Variants in SOS2 observed in about 807,000 individuals in gnomAD.
SOS2 encodes SOS Ras/Rho guanine nucleotide exchange factor 2.
Under a neutral mutation model 148.2 loss-of-function variants are expected in SOS2, and 65 were observed. That is an observed-to-expected ratio of 0.44 (90% CI 0.36 to 0.54). SOS2 has a LOEUF of 0.54. SOS2 is among the 20% of genes least tolerant of loss of function. The pLI, the probability that SOS2 is intolerant of heterozygous loss-of-function variation, is 0.00. For missense variants in SOS2, 1,341 were observed against 1,590.2 expected (o/e 0.84, Z 2.67); for synonymous variants, 539 against 537.1 (o/e 1.00, Z -0.05).
chr14:50,170,303 A>C, intron 8 of SOS2, among the ~76,000 whole-genome samples: 1 of 152,242 alleles, frequency 6.6e-6, no homozygotes, highest in Middle Eastern at 3.4e-3. Context: ...TTATCTTAAC[A>C]TATAATTCAA....
At chr14:50,154,118 G>GA in intron 12 of SOS2, among the ~76,000 whole-genome samples, 1 of 152,206 alleles carries the variant, frequency 6.6e-6, no homozygotes, top group South Asian at 2.1e-4. Flanking sequence ...AGGAAGAAGG[G>GA]AAAAGGAAAG....
intron 21 of SOS2, among the ~76,000 whole-genome samples, chr14:50,128,690 C>G (rs1883765248): frequency 1.3e-5 from 2 of 152,186 alleles, no homozygotes; most frequent in African/African-American, 2.4e-5. Context: ...AGTGGGGAGA[C>G]TTGAGGTAGA....
chr14:50,180,536 A>T (rs998692391), intron 7 of SOS2, 36 bp downstream of exon 7: 12 of 781,076 alleles, frequency 1.5e-5, no homozygotes, highest in Admixed American at 9.9e-5. Flanking sequence ...GCTTTATTAA[A>T]AAAAAAAAAA....
chr14:50,225,682 G>T (rs774201049), intron 1 of SOS2, among the ~76,000 whole-genome samples: 1 of 152,144 alleles, frequency 6.6e-6, no homozygotes, highest in Non-Finnish European at 1.5e-5. Context: ...TACATTCAGC[G>T]GCTTTAGGAA....
At chr14:50,175,963 T>C (rs981941892) in intron 7 of SOS2, among the ~76,000 whole-genome samples, 2 of 152,256 alleles carry the variant, frequency 1.3e-5, no homozygotes, top group Non-Finnish European at 2.9e-5. Context: ...TAAAGATTAA[T>C]TCATTTTCAC....
At chr14:50,215,998 T>C (rs1887030861) in intron 1 of SOS2, among the ~76,000 whole-genome samples, 1 of 152,254 alleles carries the variant, frequency 6.6e-6, no homozygotes, top group Non-Finnish European at 1.5e-5. Context: ...TTTTGCCAAA[T>C]TCTTCATTGT....
chr14:50,179,914 A>T (rs1885676545), intron 7 of SOS2, among the ~76,000 whole-genome samples: 1 of 152,112 alleles, frequency 6.6e-6, no homozygotes, highest in Non-Finnish European at 1.5e-5. Context: ...GGTTGAGGTT[A>T]TCTCAACTTT....
intron 1 of SOS2, among the ~76,000 whole-genome samples, chr14:50,206,112 T>C (rs1886651945): frequency 6.6e-6 from 1 of 152,178 alleles, no homozygotes; most frequent in Admixed American, 6.5e-5. Context: ...TCCTATTTTA[T>C]GTTTGTTTTA....
At chr14:50,230,697 AAGAATATT>A (rs1358347367) in intron 1 of SOS2, 1 of 155,380 alleles carries the variant, frequency 6.4e-6, no homozygotes, top group African/African-American at 2.4e-5. Flanking sequence ...TAAAATGAAT[AAGAATATT>A]ATGACTCACT....
chr14:50,224,253 T>C (rs1478759277), intron 1 of SOS2, among the ~76,000 whole-genome samples: 2 of 146,236 alleles, frequency 1.4e-5, no homozygotes, highest in Non-Finnish European at 3.0e-5. Flanking sequence ...ATCGCACCAC[T>C]GCACTCCAGC....
chr14:50,224,974 A>T (rs1437131568), intron 1 of SOS2, among the ~76,000 whole-genome samples: 3 of 151,996 alleles, frequency 2.0e-5, no homozygotes, highest in Non-Finnish European at 4.4e-5. Context: ...AGAAAACTTT[A>T]CTTAGAAGAG....
rs539016493 is a variant in SOS2, at chr14:50,119,411, C to T, written c.3490-558G>A. Among the ~76,000 whole-genome samples, 5 of 152,340 alleles carry T rather than the reference C, an allele frequency of 3.3e-5. No individual in the cohort carries two copies. The East Asian group carries it at 9.6e-4, about 29-fold the overall frequency. On this transcript the variant is annotated intron_variant, in intron 22 of 22. Coordinates refer to ENST00000216373, the MANE Select transcript of SOS2 (RefSeq NM_006939.4). Reference sequence around the variant, plus strand: ...CCAAGCCTTTCAGGTAATTCTGATGCACCCTTAAAATTTTGAGAAGCATTA... The same window carrying T: ...CCAAGCCTTTCAGGTAATTCTGATGTACCCTTAAAATTTTGAGAAGCATTA...
chr14:50,178,685 TATATATATATATATATATATATATATAC>T (rs1566839616), intron 7 of SOS2, among the ~76,000 whole-genome samples: 2 of 15,872 alleles, frequency 1.3e-4, no homozygotes, highest in African/African-American at 4.1e-4. Context: ...TATATATATA[TATATATATATATATATATATATATATAC>T]ACACATATAC....
Position 50,118,165 on chromosome 14 carries a change from A to G in SOS2, c.*179T>C. 6 of 604,288 alleles carry G rather than the reference A, an allele frequency of 9.9e-6. No homozygotes were observed. In the South Asian group the frequency reaches 1.1e-4, roughly 11 times the overall value. 37.4% of individuals were successfully genotyped at this position (604,288 alleles called of 1,614,324 possible). On this transcript the variant is annotated 3_prime_UTR_variant, in exon 23 of 23. Transcript: ENST00000216373. ...GCAATGCTACTGATCACCTGAGGAT[A>G]ATGGTGAAGGACTTTTGTATTTTTA...
intron 21 of SOS2, among the ~76,000 whole-genome samples, chr14:50,125,691 C>T (rs1029233925): frequency 1.3e-5 from 2 of 152,072 alleles, no homozygotes; most frequent in African/African-American, 4.8e-5. Flanking sequence ...GCATTTGGTA[C>T]AAAGGAAGGC....
At chr14:50,141,261 T>C (rs1409364753) in intron 16 of SOS2, among the ~76,000 whole-genome samples, 5 of 143,892 alleles carry the variant, frequency 3.5e-5, no homozygotes, top group Non-Finnish European at 6.0e-5. Flanking sequence ...GGCTCACACC[T>C]GTAATCCCAG....
intron 18 of SOS2, among the ~76,000 whole-genome samples, chr14:50,135,057 G>C (rs1399333878): frequency 8.8e-6 from 1 of 113,330 alleles, no homozygotes; most frequent in African/African-American, 3.6e-5. Flanking sequence ...TGGGCAACAA[G>C]AGCGAGACTG....
At chr14:50,143,840 G>C (rs899641550) in intron 16 of SOS2, among the ~76,000 whole-genome samples, 1 of 55,912 alleles carries the variant, frequency 1.8e-5, no homozygotes, top group Non-Finnish European at 4.1e-5. Context: ...TTTTTTTTTT[G>C]TAGAGATGTG....
rs573906695 is a variant in SOS2 at position 50,213,311 on chromosome 14, A to G, written c.88-8902T>C. 2.6e-5 allele frequency among the ~76,000 whole-genome samples: 4 copies of G among 152,310 alleles called. No individual in the cohort carries two copies. In the South Asian group the frequency reaches 8.3e-4, roughly 32 times the overall value. ...TGGTAAAAAGTTTGAATTTGGTAAT[A>G]AGTGTACTACATAGAAAAACACACA... On this transcript the variant is annotated intron_variant, in intron 1 of 22. Coordinates refer to ENST00000216373, the MANE Select transcript of SOS2 (RefSeq NM_006939.4).
Sources: gnomAD v4.1 joint callset for allele counts (sites outside exome capture counted in the v4.1 genomes callset) on GRCh38, gnomAD v4.1.1 for gene constraint, MANE v1.5 for transcripts, NCBI Gene and HGNC (gene_info 2026-07-23, HGNC 2026-07-21) for gene names.